Variants in ECPAS observed in about 807,000 individuals in gnomAD.
The protein encoded by ECPAS is proteasome adapter and scaffold protein ECM29.
Under a neutral mutation model 255.1 loss-of-function variants are expected in ECPAS, and 70 were observed. The ratio of observed to expected loss-of-function variants is 0.27; its 90% CI spans 0.23 to 0.33. ECPAS has a LOEUF of 0.33. ECPAS is among the 10% of genes least tolerant of loss of function. The probability of loss-of-function intolerance (pLI) is 1.00; values close to 1 mark genes in which losing one functional copy is unlikely to be tolerated. For synonymous variants in ECPAS, 784 were observed against 775.0 expected, an observed-to-expected ratio of 1.01 and a Z score of -0.19; for missense variants, 1,817 against 2,206.4, an observed-to-expected ratio of 0.82 and a Z score of 3.54.
At chr9:111,448,021 G>A (rs2098255555) in intron 3 of ECPAS, among the ~76,000 whole-genome samples, 1 of 152,048 alleles carries the variant, frequency 6.6e-6, no homozygotes, top group Non-Finnish European at 1.5e-5. Context: ...TTTCAAAAGA[G>A]CTAGAAGATC....
At chr9:111,464,250 T>G (rs1418146091) in intron 2 of ECPAS, among the ~76,000 whole-genome samples, 1 of 144,606 alleles carries the variant, frequency 6.9e-6, no homozygotes, top group East Asian at 2.0e-4. Flanking sequence ...CTGGGCAACA[T>G]GACAAAACTC....
intron 24 of ECPAS, among the ~76,000 whole-genome samples, chr9:111,400,250 C>T (rs967243160): frequency 2.0e-5 from 3 of 152,168 alleles, no homozygotes; most frequent in African/African-American, 7.2e-5. Context: ...TTAGGGAACT[C>T]AACACTCAGT....
chr9:111,478,483 C>T (rs2098299421), intron 1 of ECPAS, among the ~76,000 whole-genome samples: 1 of 152,036 alleles, frequency 6.6e-6, no homozygotes, highest in African/African-American at 2.4e-5. Context: ...TCTGAGATTG[C>T]ACCACGGCAC....
rs2098148544 is a variant in ECPAS at position 111,386,374 on chromosome 9, T to C, written c.3527+3A>G. 6.4e-7 allele frequency: 1 copy of C among 1,565,410 alleles called. No individual in the cohort carries two copies. The highest frequency in any genetic ancestry group is 8.8e-7 in the Non-Finnish European group (1 of 1,139,954). ...ACTAAACTTATATTCCTAAAAACGGTACCTGGATTCTCGAACTCGCCACAT... is the reference window on the plus strand; with the variant it reads ...ACTAAACTTATATTCCTAAAAACGGCACCTGGATTCTCGAACTCGCCACAT... On this transcript the variant is annotated splice_donor_region_variant and intron_variant, in intron 32 of 49. Coordinates refer to ENST00000684092, the MANE Select transcript of ECPAS (RefSeq NM_001364929.1).
In ECPAS at chr9:111,397,159, A is replaced by G. The variant is rs983668562; in HGVS notation, c.2653-6T>C. 4 of 1,613,216 alleles carry G rather than the reference A, an allele frequency of 2.5e-6. No homozygotes were observed. Among genetic ancestry groups the G allele is most frequent in the Non-Finnish European group, 2.5e-6 (3 of 1,179,500 alleles). On this transcript the variant is annotated splice_region_variant and splice_polypyrimidine_tract_variant and intron_variant, in intron 24 of 49. Transcript: ENST00000684092. ...TGAAGTTCTATCTGCTTGGCCTGCA[A>G]CGAAGGAAGTAAAAACCATGAATGA...
rs1046051183 is a variant in ECPAS, at chr9:111,468,641, G to A, written c.22+4256C>T. On this transcript the variant is annotated intron_variant, in intron 2 of 49. Coordinates refer to ENST00000684092, the MANE Select transcript of ECPAS (RefSeq NM_001364929.1). ...AAAGAGAGTGAGTGAGAGAGAGAGA[G>A]AGAGAGAGAGAGCGAGCGTGTGTGT... Among the ~76,000 whole-genome samples the A allele has an allele frequency of 1.4e-4, 21 of 145,912 alleles. No individual in the cohort carries two copies. In the East Asian group the frequency reaches 4.3e-3, roughly 30 times the overall value.
chr9:111,443,411 C>T (rs1564549338), intron 4 of ECPAS, among the ~76,000 whole-genome samples: 1 of 151,992 alleles, frequency 6.6e-6, no homozygotes. Flanking sequence ...CCACCACGCC[C>T]AGCTAATTTT....
chr9:111,474,072 TAAG>T (rs1213584769), intron 1 of ECPAS, among the ~76,000 whole-genome samples: 4 of 152,314 alleles, frequency 2.6e-5, no homozygotes, highest in East Asian at 1.9e-4. Context: ...AAGAACACAT[TAAG>T]AAGTATCAGA....
chr9:111,435,837 G>A (rs560775995), intron 7 of ECPAS, among the ~76,000 whole-genome samples: 12 of 146,836 alleles, frequency 8.2e-5, no homozygotes, highest in Non-Finnish European at 1.0e-4. Flanking sequence ...CCGCCACCAC[G>A]CCCAGCTAAT....
At position 111,372,483 on chromosome 9, in the gene ECPAS, A is replaced by G. The variant is rs954139832; in HGVS notation, c.4474T>C (p.Ser1492Pro). The G allele has an allele frequency of 1.9e-6, 3 of 1,613,766 alleles. No individual in the cohort carries two copies. The highest frequency in any genetic ancestry group is 1.3e-5 in the African/African-American group (1 of 74,988). ...CATAAATTACATTCTTCTTTTTCGG[A>G]TTTCTCCTCATCAGCAATTTCATGC... Reference protein sequence around the residue: ...GMHEIADEEKSEKEECNLWTE... With the variant: ...GMHEIADEEKPEKEECNLWTE... The change falls in exon 42 of 50, where the codon TCC (serine) becomes CCC (proline). Residue 1492 changes from serine to proline, a missense_variant. Physicochemically the swap from Ser to Pro is moderately conservative, Grantham distance 74. This residue lies in a region of ECPAS where 960 missense variants were observed against 1,179.0 expected (regional missense o/e 0.81). Coordinates refer to ENST00000684092, the MANE Select transcript of ECPAS (RefSeq NM_001364929.1).
In ECPAS at chr9:111,474,774, T is replaced by C. The variant is rs555665845; in HGVS notation, c.-82-1774A>G. On this transcript the variant is annotated intron_variant, in intron 1 of 49. Transcript: ENST00000684092. ...TTACACAGTACATTTTCACATACAT[T>C]AATCCTAACAATACTATGAGTGAAT... Among the ~76,000 whole-genome samples the C allele has an allele frequency of 1.1e-4, 17 of 152,314 alleles. No homozygotes were observed. In the South Asian group the frequency reaches 3.3e-3, roughly 30 times the overall value.
At chr9:111,443,942 C>T (rs1343933323) in intron 4 of ECPAS, among the ~76,000 whole-genome samples, 1 of 152,200 alleles carries the variant, frequency 6.6e-6, no homozygotes, top group Non-Finnish European at 1.5e-5. Flanking sequence ...TGAATATACA[C>T]ATCAAAAACA....
At chr9:111,429,705 T>G (rs1446989407) in intron 9 of ECPAS, among the ~76,000 whole-genome samples, 1 of 152,166 alleles carries the variant, frequency 6.6e-6, no homozygotes, top group Non-Finnish European at 1.5e-5. Context: ...TATTTATGGT[T>G]TAAAAAGCAA....
chr9:111,426,178 T>C (rs2098221277), intron 10 of ECPAS, among the ~76,000 whole-genome samples: 2 of 152,170 alleles, frequency 1.3e-5, no homozygotes, highest in African/African-American at 2.4e-5. Flanking sequence ...AGAGAAAACA[T>C]ACAAATGGAA....
intron 2 of ECPAS, among the ~76,000 whole-genome samples, chr9:111,458,743 G>C (rs928210595): frequency 6.6e-6 from 1 of 152,102 alleles, no homozygotes; most frequent in African/African-American, 2.4e-5. Flanking sequence ...GTTCAGGTGA[G>C]CCGGTGAGCT....
In ECPAS at chr9:111,484,368, G is replaced by A; in HGVS notation, c.-335C>T. ...CCTGGGGAAACACGCCTGTCCAAAG[G>A]AAGAGACGTGGACTCAGAAAAGTAG... On this transcript the variant is annotated 5_prime_UTR_variant, in exon 1 of 50. Coordinates refer to ENST00000684092, the MANE Select transcript of ECPAS (RefSeq NM_001364929.1). 6 of 1,611,616 alleles carry A rather than the reference G, an allele frequency of 3.7e-6. No individual in the cohort carries two copies. Among genetic ancestry groups the A allele is most frequent in the Non-Finnish European group, 5.1e-6 (6 of 1,179,364 alleles).
Position 111,361,823 on chromosome 9 carries a change from T to C in ECPAS, c.*207A>G. The C allele has an allele frequency of 2.3e-6, 1 of 440,442 alleles. No homozygotes were observed. Among genetic ancestry groups the C allele is most frequent in the South Asian group, 5.3e-5 (1 of 18,990 alleles). The allele number at this position is 440,442 out of a possible 1,614,324, so 27.3% of individuals were successfully genotyped here. A position where few individuals can be genotyped will look rare whatever the true frequency, so the allele number is the denominator to read the frequency against. On this transcript the variant is annotated 3_prime_UTR_variant, in exon 50 of 50. Transcript: ENST00000684092. The stretch of plus-strand genomic sequence containing the variant: ...ACCCCTCAAACATCCAAGGTTCCAT[T>C]AAGCTCACTCAGCCCAGATACTTTA...
chr9:111,421,409 A>ATATGTG (rs906013332), intron 15 of ECPAS, among the ~76,000 whole-genome samples: 1 of 143,326 alleles, frequency 7.0e-6, no homozygotes, highest in African/African-American at 2.6e-5. Flanking sequence ...TATTACATAT[A>ATATGTG]TGTGTGTGTG....
At chr9:111,364,468 T>C (rs1362093418) in intron 48 of ECPAS, among the ~76,000 whole-genome samples, 1 of 152,046 alleles carries the variant, frequency 6.6e-6, no homozygotes, top group African/African-American at 2.4e-5. Flanking sequence ...AACAGATAAA[T>C]AAAAACATGG....
Sources: gnomAD v4.1 joint callset for allele counts (sites outside exome capture counted in the v4.1 genomes callset) on GRCh38, gnomAD v4.1.1 for gene constraint, gnomAD v4.1.1 regional missense constraint, MANE v1.5 for transcripts, NCBI Gene and HGNC (gene_info 2026-07-23, HGNC 2026-07-21) for gene names.